RNASE10: variants seen among roughly 807,000 people sequenced by gnomAD.
The protein encoded by RNASE10 is ribonuclease A family member 10 (inactive).
RNASE10 carries 2 observed loss-of-function variants against 1.1 expected under a neutral mutation model. The ratio of observed to expected loss-of-function variants is 1.82; its 90% CI spans 0.74 to 5.73. The LOEUF is 5.73. Among genes scored for constraint, RNASE10 ranks in the 30% most tolerant of loss-of-function variants. The pLI is 0.05. For synonymous variants in RNASE10, 97 were observed against 96.2 expected (o/e 1.01, Z -0.05); for missense variants, 276 against 263.4 (o/e 1.05, Z -0.33).
chr14:20,507,170 A>G (rs1882763841), intron 1 of RNASE10, among the ~76,000 whole-genome samples: 1 of 144,276 alleles, frequency 6.9e-6, no homozygotes, highest in Admixed American at 6.8e-5. Flanking sequence ...GTGGAATAGA[A>G]AGGCGGGAAG....
intron 1 of RNASE10, among the ~76,000 whole-genome samples, chr14:20,507,783 G>C (rs576533927): frequency 6.6e-6 from 1 of 150,846 alleles, no homozygotes; most frequent in East Asian, 1.9e-4. Context: ...TTCTCACTCC[G>C]GTTGCCCAGG....
chr14:20,506,964 C>A (rs1166899194), intron 1 of RNASE10, among the ~76,000 whole-genome samples: 1 of 145,634 alleles, frequency 6.9e-6, no homozygotes, highest in Non-Finnish European at 1.5e-5. Flanking sequence ...CCCGCCCGGC[C>A]AGCCGCCCCG....
At chr14:20,513,851 G>T (rs772192296), downstream of RNASE10, among the ~76,000 whole-genome samples, 9 of 152,294 alleles carry the variant, frequency 5.9e-5, no homozygotes, top group Non-Finnish European at 1.0e-4. Flanking sequence ...TATTTAATTA[G>T]CCTTAATTAA....
intron 1 of RNASE10, among the ~76,000 whole-genome samples, chr14:20,508,372 G>C (rs1882806416): frequency 6.6e-6 from 1 of 152,140 alleles, no homozygotes. Context: ...GTTGCATGCT[G>C]TTCTGAGTAA....
At chr14:20,510,686 A>G in exon 2 of RNASE10, 1 of 1,614,236 alleles carries the variant, frequency 6.2e-7, no homozygotes, top group South Asian at 1.1e-5. Flanking sequence ...GTGCTTAGCA[A>G]CAAAGAAGTG....
chr14:20,508,474 C>A (rs1882809236), intron 1 of RNASE10, among the ~76,000 whole-genome samples: 1 of 152,192 alleles, frequency 6.6e-6, no homozygotes, highest in Admixed American at 6.5e-5. Flanking sequence ...CACCACCCAC[C>A]CATTAGCTAC....
At chr14:20,511,742 C>A (rs927302718), downstream of RNASE10, among the ~76,000 whole-genome samples, 1 of 152,152 alleles carries the variant, frequency 6.6e-6, no homozygotes, top group African/African-American at 2.4e-5. Context: ...CCCTTCACTG[C>A]CCTTTTCTCT....
In RNASE10 at chr14:20,507,937, A is replaced by T. The variant is rs375377714; in HGVS notation, c.79+1918A>T. Among the ~76,000 whole-genome samples, 59 of 151,952 alleles carry T rather than the reference A, an allele frequency of 3.9e-4. 1 individual carries two copies. The East Asian group carries it at 9.3e-3, about 24-fold the overall frequency. Reference sequence around the variant, plus strand: ...TAATTTTTTCATATTTTTTGTAGAGATGGGGTTTCACCATGTTGCCCAGGC... The same window carrying T: ...TAATTTTTTCATATTTTTTGTAGAGTTGGGGTTTCACCATGTTGCCCAGGC... On this transcript the variant is annotated intron_variant, in intron 1 of 1. Transcript: ENST00000430083.
chr14:20,506,405 T>C (rs1354794034), intron 1 of RNASE10, among the ~76,000 whole-genome samples: 1 of 117,210 alleles, frequency 8.5e-6, no homozygotes, highest in Non-Finnish European at 1.8e-5. Context: ...GAGGAGCCCC[T>C]CTGCCCGGCC....
In RNASE10 at chr14:20,507,577, C is replaced by T. The variant is rs868464562; in HGVS notation, c.79+1558C>T. 1.9e-3 allele frequency among the ~76,000 whole-genome samples: 262 copies of T among 137,530 alleles called. 3 individuals carry two copies. The South Asian group carries it at 0.031, about 17-fold the overall frequency. 90.2% of individuals were successfully genotyped at this position (137,530 alleles called of 152,430 possible). A position where few individuals can be genotyped will look rare whatever the true frequency, so the allele number is the denominator to read the frequency against. On this transcript the variant is annotated intron_variant, in intron 1 of 1. Coordinates refer to ENST00000430083, the Ensembl canonical transcript of RNASE10. Reference sequence around the variant, plus strand: ...CTATTGTCCTATGACCCTGCCAAATCCCCCTCTGCGAGAAACACCCAAGAA... The same window carrying T: ...CTATTGTCCTATGACCCTGCCAAATTCCCCTCTGCGAGAAACACCCAAGAA...
intron 1 of RNASE10, among the ~76,000 whole-genome samples, chr14:20,506,306 G>T (rs1882714217): frequency 9.7e-6 from 1 of 103,242 alleles, no homozygotes; most frequent in African/African-American, 4.1e-5. Context: ...CGTCCGGGAG[G>T]GAGGTGGGGG....
At chr14:20,512,021 G>T (rs149894717), downstream of RNASE10, among the ~76,000 whole-genome samples, 1 of 152,016 alleles carries the variant, frequency 6.6e-6, no homozygotes, top group Non-Finnish European at 1.5e-5. Flanking sequence ...GAGTTAGAGG[G>T]GGGTGGGTCA....
chr14:20,507,826 C>T (rs927325972), intron 1 of RNASE10, among the ~76,000 whole-genome samples: 2 of 151,980 alleles, frequency 1.3e-5, no homozygotes, highest in African/African-American at 4.8e-5. Flanking sequence ...TGGCTCACTG[C>T]AGCCTCAACT....
chr14:20,509,284 G>T (rs1361586478), intron 1 of RNASE10, among the ~76,000 whole-genome samples: 1 of 152,196 alleles, frequency 6.6e-6, no homozygotes, highest in Non-Finnish European at 1.5e-5. Flanking sequence ...CCTACCTCAG[G>T]TGATCCACCT....
At position 20,511,128 on chromosome 14, in the gene RNASE10, C is replaced by T. The variant is rs538112050; in HGVS notation, c.*6C>T. The T allele has an allele frequency of 4.1e-6, 6 of 1,475,884 alleles. No individual in the cohort carries two copies. The African/African-American group carries it at 7.1e-5, about 17-fold the overall frequency. 91.4% of individuals were successfully genotyped at this position (1,475,884 alleles called of 1,614,324 possible). A position where few individuals can be genotyped will look rare whatever the true frequency, so the allele number is the denominator to read the frequency against. On this transcript the variant is annotated 3_prime_UTR_variant, in exon 2 of 2. Coordinates refer to ENST00000430083, the Ensembl canonical transcript of RNASE10. ...AGTTACCAACTGGACAATGAAGCAA[C>T]TCATCATCTTTTTTCTCTTCACCTT...
At chr14:20,508,297 A>G (rs753868362) in intron 1 of RNASE10, among the ~76,000 whole-genome samples, 1 of 152,216 alleles carries the variant, frequency 6.6e-6, no homozygotes, top group African/African-American at 2.4e-5. Flanking sequence ...TCAGTTACCC[A>G]TGGTCAACGA....
chr14:20,509,639 G>C (rs1409749100), intron 1 of RNASE10, among the ~76,000 whole-genome samples: 4 of 152,254 alleles, frequency 2.6e-5, no homozygotes, highest in African/African-American at 9.6e-5. Flanking sequence ...TGGGTAACAA[G>C]AAGAGTAATA....
At chr14:20,510,752 A>G (rs766529235) in exon 2 of RNASE10, 4 of 1,614,116 alleles carry the variant, frequency 2.5e-6, no homozygotes, top group East Asian at 2.2e-5. Flanking sequence ...GTTGGGGGTA[A>G]CAAGATGCTC....
chr14:20,504,687 C>CAAAAAAAAAAAAAAAAAA (rs71112507), upstream of RNASE10, among the ~76,000 whole-genome samples: 2 of 44,552 alleles, frequency 4.5e-5, no homozygotes, highest in Non-Finnish European at 8.2e-5. Context: ...GACTCCGTCT[C>CAAAAAAAAAAAAAAAAAA]AAAAAAAAAA....
Sources: allele counts gnomAD v4.1 joint callset (sites outside exome capture counted in the v4.1 genomes callset), GRCh38; gene constraint gnomAD v4.1.1; transcripts MANE v1.5; gene names NCBI Gene and HGNC (gene_info 2026-07-23, HGNC 2026-07-21).